KHDC1: variants seen among roughly 807,000 people sequenced by gnomAD.
KHDC1 encodes the protein KH homology domain-containing protein 1.
Under a neutral mutation model 24.7 loss-of-function variants are expected in KHDC1, and 21 were observed. The ratio of observed to expected loss-of-function variants is 0.85; its 90% CI spans 0.60 to 1.23. The LOEUF (loss-of-function observed/expected upper bound fraction) is 1.23. Ranked by LOEUF, KHDC1 falls within the 50% of genes most tolerant of loss-of-function variation. KHDC1 has a pLI of 0.00. For missense variants in KHDC1, 274 were observed against 298.5 expected (o/e 0.92, Z 0.61); for synonymous variants, 98 against 111.7 (o/e 0.88, Z 0.77).
intron 2 of KHDC1, among the ~76,000 whole-genome samples, chr6:73,272,937 C>T (rs1307608728): frequency 6.8e-6 from 1 of 146,982 alleles, no homozygotes; most frequent in Non-Finnish European, 1.5e-5. Context: ...TGGCTCACTG[C>T]AACCTCCACC....
chr6:73,241,788 G>T, intron 4 of KHDC1, 60 bp from the exon 4 acceptor site: 1 of 1,570,726 alleles, frequency 6.4e-7, no homozygotes, highest in Non-Finnish European at 8.7e-7. Flanking sequence ...CCATTGGCAG[G>T]CCTGGACTCC....
intron 2 of KHDC1, among the ~76,000 whole-genome samples, chr6:73,247,873 A>AAAG (rs1554224074): frequency 1.1e-4 from 17 of 151,264 alleles, no homozygotes; most frequent in Non-Finnish European, 1.9e-4. Context: ...AAAAAAAAAA[A>AAAG]AGAGAGAGAG....
chr6:73,296,252 C>T (rs528469095), intron 1 of KHDC1, among the ~76,000 whole-genome samples: 5 of 151,614 alleles, frequency 3.3e-5, no homozygotes, highest in Non-Finnish European at 5.9e-5. Flanking sequence ...GCCAAGAGTT[C>T]GAGACCAGCC....
chr6:73,255,511 C>T (rs1266395497), intron 2 of KHDC1, among the ~76,000 whole-genome samples: 12 of 148,480 alleles, frequency 8.1e-5, no homozygotes, highest in South Asian at 4.3e-4. Flanking sequence ...CATGAGCCAC[C>T]ACACCTGGCT....
At chr6:73,242,699 G>T in intron 2 of KHDC1, 169 bp from the exon 2 acceptor site, 5 of 745,090 alleles carry the variant, frequency 6.7e-6, no homozygotes, top group Non-Finnish European at 1.1e-5. Context: ...TTCATTCCAA[G>T]TAATTATCTG....
intron 2 of KHDC1, among the ~76,000 whole-genome samples, chr6:73,280,146 A>G (rs1166490489): frequency 6.6e-6 from 1 of 152,028 alleles, no homozygotes; most frequent in African/African-American, 2.4e-5. Context: ...ATAAAGATTA[A>G]ATATATCCTT....
At chr6:73,285,372 C>A (rs746592090) in intron 2 of KHDC1, among the ~76,000 whole-genome samples, 1 of 151,630 alleles carries the variant, frequency 6.6e-6, no homozygotes, top group Non-Finnish European at 1.5e-5. Flanking sequence ...AGCTCTGTAG[C>A]CCAGGCTGGA....
chr6:73,250,516 G>A (rs1281270753), intron 2 of KHDC1, among the ~76,000 whole-genome samples: 9 of 152,230 alleles, frequency 5.9e-5, no homozygotes, highest in Non-Finnish European at 1.3e-4. Flanking sequence ...TGGAAAGGGA[G>A]GCAAACCAAG....
intron 1 of KHDC1, chr6:73,292,049 G>C (rs774383231): frequency 6.2e-7 from 1 of 1,613,818 alleles, no homozygotes; most frequent in Non-Finnish European, 8.5e-7. Flanking sequence ...CTCTGTAAAG[G>C]AGATATATAA....
chr6:73,259,680 C>T (rs1413427312), intron 2 of KHDC1, among the ~76,000 whole-genome samples: 2 of 152,166 alleles, frequency 1.3e-5, no homozygotes, highest in African/African-American at 4.8e-5. Flanking sequence ...CATGTTGTTT[C>T]CTCTCCTGGC....
At chr6:73,262,656 T>G (rs1478022855) in intron 2 of KHDC1, 118 bp downstream of exon 1, 1 of 781,230 alleles carries the variant, frequency 1.3e-6, no homozygotes. Flanking sequence ...TTTCTCTTTA[T>G]ACTGCTATCT....
intron 2 of KHDC1, among the ~76,000 whole-genome samples, chr6:73,259,657 A>G (rs1766943486): frequency 1.3e-5 from 2 of 152,172 alleles, no homozygotes; most frequent in African/African-American, 4.8e-5. Flanking sequence ...CTTTAGATTT[A>G]TAAACTCCTT....
chr6:73,250,453 G>T (rs1766758624), intron 2 of KHDC1, among the ~76,000 whole-genome samples: 1 of 152,158 alleles, frequency 6.6e-6, no homozygotes, highest in Non-Finnish European at 1.5e-5. Flanking sequence ...ATATGATTTT[G>T]GAAATAGCTA....
intron 2 of KHDC1, among the ~76,000 whole-genome samples, chr6:73,246,178 A>ATTTG (rs1055910495): frequency 6.6e-5 from 10 of 152,184 alleles, no homozygotes; most frequent in South Asian, 2.1e-4. Context: ...CTATATAAAT[A>ATTTG]TTTGTTTGTT....
At chr6:73,280,519 T>C (rs1040455229) in intron 2 of KHDC1, among the ~76,000 whole-genome samples, 7 of 109,008 alleles carry the variant, frequency 6.4e-5, no homozygotes, top group Non-Finnish European at 1.2e-4. Context: ...AATTTCTTTT[T>C]TTTTTTTTTT....
chr6:73,296,854 T>C (rs1335601296), intron 1 of KHDC1, among the ~76,000 whole-genome samples: 1 of 152,170 alleles, frequency 6.6e-6, no homozygotes, highest in Non-Finnish European at 1.5e-5. Flanking sequence ...CAGTTAATTA[T>C]ATCTTCTCAA....
intron 2 of KHDC1, among the ~76,000 whole-genome samples, chr6:73,248,673 T>A (rs933846755): frequency 6.6e-6 from 1 of 152,150 alleles, no homozygotes; most frequent in Non-Finnish European, 1.5e-5. Flanking sequence ...TGCAACTTAA[T>A]CTCCCTCTTC....
chr6:73,247,253 A>T (rs1766684848), intron 2 of KHDC1, among the ~76,000 whole-genome samples: 1 of 152,072 alleles, frequency 6.6e-6, no homozygotes, highest in Non-Finnish European at 1.5e-5. Flanking sequence ...CTGAGATTAC[A>T]GGTATGAGCC....
chr6:73,249,862 G>A (rs1766747287), intron 2 of KHDC1, among the ~76,000 whole-genome samples: 1 of 151,996 alleles, frequency 6.6e-6, no homozygotes, highest in Non-Finnish European at 1.5e-5. Context: ...TGATCCTCCC[G>A]ACTCAGCCTC....
Sources: allele counts gnomAD v4.1 joint callset (sites outside exome capture counted in the v4.1 genomes callset), GRCh38; gene constraint gnomAD v4.1.1; transcripts MANE v1.5; gene names NCBI Gene and HGNC (gene_info 2026-07-23, HGNC 2026-07-21).